Variants in ASTN2 observed in about 807,000 individuals in gnomAD.
The protein encoded by ASTN2 is astrotactin-2.
Under a neutral mutation model 139.8 loss-of-function variants are expected in ASTN2, and 54 were observed. The ratio of observed to expected loss-of-function variants is 0.39; its 90% CI spans 0.31 to 0.48. ASTN2 has a LOEUF of 0.48. ASTN2 is among the 20% of genes least tolerant of loss of function. The pLI, the probability that ASTN2 is intolerant of heterozygous loss-of-function variation, is 0.95. For synonymous variants in ASTN2, 756 were observed against 719.5 expected (o/e 1.05, Z -0.81); for missense variants, 1,565 against 1,725.1 (o/e 0.91, Z 1.64).
At chr9:116,808,277 T>TTGTGTG (rs10553571) in intron 12 of ASTN2, among the ~76,000 whole-genome samples, 2,058 of 149,664 alleles carry the variant, frequency 0.014, 36 homozygotes, top group Admixed American at 0.036. Flanking sequence ...TAAATACATA[T>TTGTGTG]TGTGTGTGTG....
chr9:116,463,763 C>A (rs758369199), intron 20 of ASTN2, among the ~76,000 whole-genome samples: 2 of 152,182 alleles, frequency 1.3e-5, no homozygotes, highest in African/African-American at 2.4e-5. Context: ...TTCTCCACTA[C>A]GCTGTGAGCT....
chr9:116,755,789 G>T (rs1481863611), intron 13 of ASTN2, among the ~76,000 whole-genome samples: 2 of 152,208 alleles, frequency 1.3e-5, no homozygotes, highest in Non-Finnish European at 2.9e-5. Flanking sequence ...GCGCCATCAT[G>T]TATATCCCTG....
intron 10 of ASTN2, among the ~76,000 whole-genome samples, chr9:116,885,300 T>C (rs1274035597): frequency 6.6e-6 from 1 of 152,164 alleles, no homozygotes; most frequent in Admixed American, 6.5e-5. Context: ...TCCACATCCT[T>C]TACATGTAAC....
At chr9:116,720,276 T>C (rs574081948) in intron 16 of ASTN2, among the ~76,000 whole-genome samples, 2 of 152,310 alleles carry the variant, frequency 1.3e-5, no homozygotes, top group South Asian at 2.1e-4. Context: ...AGGAAAATGA[T>C]AATAGAGATA....
chr9:116,750,744 A>G (rs1284178713), intron 13 of ASTN2, among the ~76,000 whole-genome samples: 1 of 152,154 alleles, frequency 6.6e-6, no homozygotes, highest in African/African-American at 2.4e-5. Context: ...TGGAGCCACA[A>G]GCAGAACCTA....
chr9:116,592,745 G>A (rs980742163), intron 19 of ASTN2, among the ~76,000 whole-genome samples: 1 of 152,140 alleles, frequency 6.6e-6, no homozygotes, highest in Non-Finnish European at 1.5e-5. Flanking sequence ...AGCTCTCAAA[G>A]ATGACTGAAT....
chr9:116,823,837 C>T (rs954111151), intron 11 of ASTN2, among the ~76,000 whole-genome samples: 1 of 152,192 alleles, frequency 6.6e-6, no homozygotes, highest in African/African-American at 2.4e-5. Context: ...ACCATCATTC[C>T]TTCCTCTATC....
At chr9:116,752,783 T>G (rs1462196253) in intron 13 of ASTN2, among the ~76,000 whole-genome samples, 1 of 152,208 alleles carries the variant, frequency 6.6e-6, no homozygotes, top group Non-Finnish European at 1.5e-5. Flanking sequence ...TCATCCCATG[T>G]CATTCTGGAA....
At chr9:117,090,841 G>C (rs1828688513) in intron 5 of ASTN2, among the ~76,000 whole-genome samples, 1 of 152,236 alleles carries the variant, frequency 6.6e-6, no homozygotes, top group Non-Finnish European at 1.5e-5. Context: ...TGCTAAGAGA[G>C]AGATCTATGT....
chr9:116,687,273 G>A (rs1374033236), intron 16 of ASTN2: 3 of 990,910 alleles, frequency 3.0e-6, no homozygotes, highest in Admixed American at 5.7e-5. Flanking sequence ...TGACGGACAG[G>A]GAGCTCTGCG....
chr9:117,116,862 A>C (rs1444703295), intron 4 of ASTN2, among the ~76,000 whole-genome samples: 1 of 144,766 alleles, frequency 6.9e-6, no homozygotes, highest in African/African-American at 2.5e-5. Context: ...AAAAAAAAAA[A>C]AAAGGCCTTT....
intron 17 of ASTN2, among the ~76,000 whole-genome samples, chr9:116,642,032 A>T (rs558045048): frequency 6.1e-4 from 92 of 151,496 alleles, no homozygotes; most frequent in African/African-American, 2.1e-3. Context: ...AGGAATTTCA[A>T]ACTGAAAATG....
chr9:116,569,840 G>A (rs768003958), intron 19 of ASTN2, among the ~76,000 whole-genome samples: 8 of 152,196 alleles, frequency 5.3e-5, no homozygotes, highest in Non-Finnish European at 1.0e-4. Context: ...AGAAACTGGA[G>A]CATGCAAGGC....
At chr9:117,009,018 G>A (rs1335854495) in intron 6 of ASTN2, among the ~76,000 whole-genome samples, 1 of 152,114 alleles carries the variant, frequency 6.6e-6, no homozygotes, top group Non-Finnish European at 1.5e-5. Context: ...CCCTGATGTG[G>A]CAAAACAATA....
At chr9:117,329,619 T>A (rs1445749380) in intron 1 of ASTN2, among the ~76,000 whole-genome samples, 1 of 151,406 alleles carries the variant, frequency 6.6e-6, no homozygotes, top group African/African-American at 2.4e-5. Flanking sequence ...CAAAGGGGGG[T>A]GGACATGCAG....
At chr9:117,009,591 T>C (rs983634545) in intron 6 of ASTN2, among the ~76,000 whole-genome samples, 15 of 152,288 alleles carry the variant, frequency 9.8e-5, no homozygotes, top group African/African-American at 3.1e-4. Context: ...TCTAGACTGA[T>C]GGCAGATCTA....
chr9:116,775,185 G>A (rs896528305), intron 13 of ASTN2, among the ~76,000 whole-genome samples: 1 of 152,004 alleles, frequency 6.6e-6, no homozygotes, highest in African/African-American at 2.4e-5. Context: ...AGGCCCCCAG[G>A]ATGGCGATTC....
intron 19 of ASTN2, among the ~76,000 whole-genome samples, chr9:116,543,349 A>T (rs1564357671): frequency 6.6e-6 from 1 of 151,492 alleles, no homozygotes; most frequent in Non-Finnish European, 1.5e-5. Flanking sequence ...AGGTGGGAGG[A>T]TCACCCAAGC....
chr9:116,584,746 A>G (rs1854081109), intron 19 of ASTN2: 1 of 152,226 alleles, frequency 6.6e-6, no homozygotes, highest in Non-Finnish European at 1.5e-5. Flanking sequence ...GAAAGGAAGA[A>G]GTATAATTGT....
Sources: allele counts gnomAD v4.1 joint callset (sites outside exome capture counted in the v4.1 genomes callset), GRCh38; gene constraint gnomAD v4.1.1; transcripts MANE v1.5; gene names NCBI Gene and HGNC (gene_info 2026-07-23, HGNC 2026-07-21).